SEMA6A: variants seen among roughly 807,000 people sequenced by gnomAD.
SEMA6A encodes semaphorin-6A.
A neutral mutation model predicts 96.8 loss-of-function variants in SEMA6A; 25 were observed. That is an observed-to-expected ratio of 0.26 (90% confidence interval 0.19 to 0.36). SEMA6A has a LOEUF of 0.36. SEMA6A is among the 10% of genes least tolerant of loss of function. The probability of loss-of-function intolerance (pLI) is 1.00; values close to 1 mark genes in which losing one functional copy is unlikely to be tolerated. For missense variants in SEMA6A, 1,363 were observed against 1,323.1 expected (o/e 1.03, Z -0.47); for synonymous variants, 612 against 518.0 (o/e 1.18, Z -2.46).
chr5:116,485,151 C>T (rs964302580), intron 10 of SEMA6A, among the ~76,000 whole-genome samples: 2 of 152,120 alleles, frequency 1.3e-5, no homozygotes, highest in Non-Finnish European at 2.9e-5. Context: ...TCTGAGACTG[C>T]ATAATCATGC....
At chr5:116,485,284 A>AAAAC (rs542289136) in intron 10 of SEMA6A, among the ~76,000 whole-genome samples, 422 of 152,332 alleles carry the variant, frequency 2.8e-3, no homozygotes, top group Non-Finnish European at 4.8e-3. Context: ...AAAACAAGAC[A>AAAAC]AAACAAACAA....
At chr5:116,483,815 G>T (rs1756908657) in intron 10 of SEMA6A, among the ~76,000 whole-genome samples, 1 of 152,142 alleles carries the variant, frequency 6.6e-6, no homozygotes, top group African/African-American at 2.4e-5. Flanking sequence ...TATAATCCTG[G>T]CACTTTGGGA....
rs74436571 is a variant in SEMA6A, at chr5:116,566,307, A to G, written c.-39+7878T>C. Among the ~76,000 whole-genome samples the G allele has an allele frequency of 8.6e-3, 1,306 of 152,302 alleles. 17 individuals are homozygous for G. The highest frequency in any genetic ancestry group is 0.03 in the African/African-American group (1,250 of 41,570). On this transcript the variant is annotated intron_variant, in intron 1 of 18. Transcript: ENST00000343348. ...AATTGGCATGGATTCTTTGAATTTAATGTTCTACAGATGACAATTATAGGT... is the reference window on the plus strand; with the variant it reads ...AATTGGCATGGATTCTTTGAATTTAGTGTTCTACAGATGACAATTATAGGT...
chr5:116,551,317 TACACACACACACACAC>T (rs66523615), intron 1 of SEMA6A, among the ~76,000 whole-genome samples: 4 of 142,412 alleles, frequency 2.8e-5, no homozygotes, highest in African/African-American at 7.8e-5. Context: ...AGTCTTAGCA[TACACACACACACACAC>T]ACACACACAC....
At chr5:116,518,718 T>C (rs1291483051) in intron 1 of SEMA6A, among the ~76,000 whole-genome samples, 2 of 152,126 alleles carry the variant, frequency 1.3e-5, no homozygotes, top group Non-Finnish European at 2.9e-5. Context: ...GCACAGAAAA[T>C]GGATAAACGT....
chr5:116,547,673 G>A lies in SEMA6A; in HGVS notation c.-39+26512C>T, dbSNP rs536607741. On this transcript the variant is annotated intron_variant, in intron 1 of 18. Transcript: ENST00000343348. ...GCAAGCATTAAGACTGGCCAATAATGTCTTTGGATCTAAACCAGGGGATAA... is the reference window on the plus strand; with the variant it reads ...GCAAGCATTAAGACTGGCCAATAATATCTTTGGATCTAAACCAGGGGATAA... 3.7e-5 allele frequency among the ~76,000 whole-genome samples: 5 copies of A among 134,246 alleles called. No individual in the cohort carries two copies. In the East Asian group the frequency reaches 1.2e-3, roughly 33 times the overall value. The allele number at this position is 134,246 out of a possible 152,430, so 88.1% of individuals were successfully genotyped here.
intron 18 of SEMA6A, among the ~76,000 whole-genome samples, chr5:116,466,672 A>G (rs1398411526): frequency 6.6e-6 from 1 of 152,214 alleles, no homozygotes; most frequent in African/African-American, 2.4e-5. Flanking sequence ...CTGTCTTCCA[A>G]GGGTCACAGT....
chr5:116,542,269 TATTCTAGTGTTTATATAAGTTAG>T (rs1256504950), intron 1 of SEMA6A, among the ~76,000 whole-genome samples: 2 of 152,232 alleles, frequency 1.3e-5, no homozygotes, highest in Non-Finnish European at 2.9e-5. Flanking sequence ...AACTGATCAA[TATTCTAGTGTTTATATAAGTTAG>T]AATTCTGGAC....
intron 1 of SEMA6A, among the ~76,000 whole-genome samples, chr5:116,517,588 G>A (rs762133493): frequency 6.6e-6 from 1 of 152,170 alleles, no homozygotes; most frequent in Non-Finnish European, 1.5e-5. Flanking sequence ...CCTATGTTCT[G>A]GGCTTATAAT....
intron 1 of SEMA6A, among the ~76,000 whole-genome samples, chr5:116,510,569 A>G (rs763472360): frequency 6.6e-6 from 1 of 151,942 alleles, no homozygotes; most frequent in East Asian, 1.9e-4. Flanking sequence ...ATAAATGTTT[A>G]TTTATTCTTC....
intron 1 of SEMA6A, among the ~76,000 whole-genome samples, chr5:116,548,785 CAA>C (rs1156982697): frequency 6.6e-6 from 1 of 152,150 alleles, no homozygotes; most frequent in Admixed American, 6.5e-5. Flanking sequence ...TTCTGTTCTG[CAA>C]AAGAGTTTTA....
At chr5:116,550,647 C>G (rs1760365443) in intron 1 of SEMA6A, 1 of 152,198 alleles carries the variant, frequency 6.6e-6, no homozygotes, top group African/African-American at 2.4e-5. Context: ...CACAGGTTCT[C>G]TGCAGTAATA....
intron 1 of SEMA6A, among the ~76,000 whole-genome samples, chr5:116,555,287 A>G (rs1036979478): frequency 6.6e-6 from 1 of 152,158 alleles, no homozygotes; most frequent in Non-Finnish European, 1.5e-5. Flanking sequence ...TGACTCACCC[A>G]ACTTCTTTTC....
intron 6 of SEMA6A, 139 bp downstream of exon 6, chr5:116,495,274 G>A (rs1023172936): frequency 1.3e-5 from 9 of 684,514 alleles, no homozygotes; most frequent in Non-Finnish European, 2.4e-5. Context: ...TCACTCATGT[G>A]GAGCAATACA....
At chr5:116,459,165 C>G (rs1755210973) in intron 18 of SEMA6A, among the ~76,000 whole-genome samples, 1 of 152,164 alleles carries the variant, frequency 6.6e-6, no homozygotes, top group Non-Finnish European at 1.5e-5. Context: ...TGGAGTTCAG[C>G]TTGCCTGGGG....
chr5:116,474,758 T>C (rs1379710543), intron 16 of SEMA6A, among the ~76,000 whole-genome samples: 2 of 152,248 alleles, frequency 1.3e-5, no homozygotes. Context: ...TGGTGCCATT[T>C]TGAATGCAAG....
chr5:116,515,945 A>G (rs1304547446), intron 1 of SEMA6A, among the ~76,000 whole-genome samples: 1 of 152,208 alleles, frequency 6.6e-6, no homozygotes, highest in Non-Finnish European at 1.5e-5. Context: ...ACCTAACCCT[A>G]TAAATCCTTA....
chr5:116,560,928 G>A (rs1760797007), intron 1 of SEMA6A, among the ~76,000 whole-genome samples: 2 of 152,058 alleles, frequency 1.3e-5, no homozygotes, highest in Admixed American at 1.3e-4. Context: ...TTCTATGTCA[G>A]GACTCACTTC....
chr5:116,531,566 T>G (rs1474920877), intron 1 of SEMA6A, among the ~76,000 whole-genome samples: 3 of 152,146 alleles, frequency 2.0e-5, no homozygotes, highest in African/African-American at 7.2e-5. Context: ...TCCTGTTAGA[T>G]ATAGTGATTC....
Sources: gnomAD v4.1 joint callset for allele counts (sites outside exome capture counted in the v4.1 genomes callset) on GRCh38, gnomAD v4.1.1 for gene constraint, MANE v1.5 for transcripts, NCBI Gene and HGNC (gene_info 2026-07-23, HGNC 2026-07-21) for gene names.